DPH6: variants seen among roughly 807,000 people sequenced by gnomAD.
DPH6 encodes diphthamine biosynthesis 6.
DPH6 carries 33 observed loss-of-function variants against 38.2 expected under a neutral mutation model. The observed-to-expected ratio is 0.86, with a 90% CI of 0.65 to 1.15. DPH6 has a LOEUF of 1.15. Among genes scored for constraint, DPH6 ranks in the 50% most tolerant of loss-of-function variants. The probability of loss-of-function intolerance (pLI) is 0.00; values close to 1 mark genes in which losing one functional copy is unlikely to be tolerated. For missense variants in DPH6, 325 were observed against 320.0 expected (o/e 1.02, Z -0.12); for synonymous variants, 108 against 103.0 (o/e 1.05, Z -0.30).
intron 5 of DPH6, among the ~76,000 whole-genome samples, chr15:35,443,331 T>G (rs2141062109): frequency 6.6e-6 from 1 of 152,288 alleles, no homozygotes; most frequent in African/African-American, 2.4e-5. Flanking sequence ...TTTTTATTAC[T>G]TACAAAGAAT....
chr15:35,286,935 C>T (rs2140442000), intron 3 of DPH6, among the ~76,000 whole-genome samples: 1 of 152,212 alleles, frequency 6.6e-6, no homozygotes, highest in African/African-American at 2.4e-5. Flanking sequence ...AGCACTTTTC[C>T]TCTGAGGAAA....
chr15:35,526,139 T>C (rs577566987), intron 3 of DPH6, among the ~76,000 whole-genome samples: 79 of 152,162 alleles, frequency 5.2e-4, no homozygotes, highest in Non-Finnish European at 9.3e-4. Context: ...AAAGGGAAGA[T>C]CATGGGTTAT....
intron 3 of DPH6, among the ~76,000 whole-genome samples, chr15:35,284,489 TGAAAA>T (rs2051926059): frequency 6.6e-6 from 1 of 151,648 alleles, no homozygotes; most frequent in African/African-American, 2.4e-5. Context: ...TAAATATTAA[TGAAAA>T]GAAAAAAGTG....
At chr15:35,520,510 C>T in intron 3 of DPH6, 1 of 984,356 alleles carries the variant, frequency 1.0e-6, no homozygotes, top group Non-Finnish European at 1.2e-6. Flanking sequence ...GAAATTAAAT[C>T]CAATTAAGTA....
chr15:35,238,962 T>A (rs1388640448), intron 3 of DPH6, among the ~76,000 whole-genome samples: 1 of 146,660 alleles, frequency 6.8e-6, no homozygotes, highest in African/African-American at 2.5e-5. Context: ...CTTTGCTGAC[T>A]CTCTTTTCGG....
At chr15:35,167,210 C>A in the DPH6 span, among the ~76,000 whole-genome samples, 5 of 152,084 alleles carry the variant, frequency 3.3e-5, 1 homozygote. Context: ...TTTAAAACCA[C>A]TGGAAGACTC....
chr15:35,437,488 G>A (rs994763129), intron 5 of DPH6, among the ~76,000 whole-genome samples: 1 of 152,192 alleles, frequency 6.6e-6, no homozygotes, highest in Non-Finnish European at 1.5e-5. Context: ...GCAGGCAAAA[G>A]AGTAAACTTT....
chr15:35,434,719 GA>G (rs535074775), intron 5 of DPH6, among the ~76,000 whole-genome samples: 1 of 152,160 alleles, frequency 6.6e-6, no homozygotes, highest in East Asian at 1.9e-4. Flanking sequence ...CAATAAAGAT[GA>G]AAAAATATAT....
intron 5 of DPH6, among the ~76,000 whole-genome samples, chr15:35,427,247 G>A (rs900257310): frequency 6.6e-6 from 1 of 151,858 alleles, no homozygotes; most frequent in African/African-American, 2.4e-5. Flanking sequence ...GAAAAACAGT[G>A]GGGTAGTAGT....
At chr15:35,256,553 C>A (rs973883968) in intron 3 of DPH6, among the ~76,000 whole-genome samples, 1 of 152,022 alleles carries the variant, frequency 6.6e-6, no homozygotes, top group Non-Finnish European at 1.5e-5. Flanking sequence ...AAATAAAGGG[C>A]AAGTTATGTA....
chr15:35,161,216 T>C, the DPH6 span, among the ~76,000 whole-genome samples: 5 of 152,004 alleles, frequency 3.3e-5, no homozygotes, highest in African/African-American at 1.2e-4. Context: ...GACACAATAC[T>C]CTGCTAGTAT....
chr15:35,162,297 T>C, the DPH6 span, among the ~76,000 whole-genome samples: 1 of 151,942 alleles, frequency 6.6e-6, no homozygotes, highest in African/African-American at 2.4e-5. Context: ...AAATCGTTCA[T>C]GGCATCCCAG....
chr15:35,230,221 C>T (rs919487973), intron 3 of DPH6, among the ~76,000 whole-genome samples: 12 of 152,190 alleles, frequency 7.9e-5, no homozygotes, highest in African/African-American at 2.9e-4. Flanking sequence ...GCTGAGCTGG[C>T]ACTCAAATCA....
At chr15:35,430,414 T>G (rs527704787) in intron 5 of DPH6, among the ~76,000 whole-genome samples, 71 of 150,536 alleles carry the variant, frequency 4.7e-4, no homozygotes, top group Non-Finnish European at 5.9e-4. Context: ...AAAATGCAAT[T>G]ATTGAAGCAC....
At chr15:35,435,604 A>AG (rs2053688318) in intron 5 of DPH6, among the ~76,000 whole-genome samples, 1 of 151,724 alleles carries the variant, frequency 6.6e-6, no homozygotes, top group South Asian at 2.1e-4. Flanking sequence ...TGTTGGCAGG[A>AG]CCCCCTCTTT....
At chr15:35,225,987 C>T (rs60978098) in intron 3 of DPH6, among the ~76,000 whole-genome samples, 4,139 of 152,192 alleles carry the variant, frequency 0.027, 185 homozygotes, top group African/African-American at 0.095. Context: ...TGGCATGTGC[C>T]TATAGTAGCA....
chr15:35,166,786 A>G, the DPH6 span, among the ~76,000 whole-genome samples: 1 of 152,000 alleles, frequency 6.6e-6, no homozygotes, highest in African/African-American at 2.4e-5. Flanking sequence ...TTCTTTCCAA[A>G]GGAGATCCCA....
At chr15:35,246,116 C>A (rs976529210) in intron 3 of DPH6, among the ~76,000 whole-genome samples, 1 of 152,134 alleles carries the variant, frequency 6.6e-6, no homozygotes, top group African/African-American at 2.4e-5. Flanking sequence ...TTTACCTACC[C>A]AAATCCTATA....
rs545737989 is a variant in DPH6 at position 35,278,455 on chromosome 15, T to C, written n.201-57873A>G. ...CCTGGGCAGAAGCCTGATGCAGGGG[T>C]AGAGCCCCCGCAGAGAGGCTCTACT... On this transcript the variant is annotated intron_variant and non_coding_transcript_variant, in intron 3 of 3. Coordinates refer to the DPH6 transcript ENST00000560386. 2.6e-5 allele frequency among the ~76,000 whole-genome samples: 4 copies of C among 152,150 alleles called. No individual in the cohort carries two copies. In the East Asian group the frequency reaches 7.8e-4, roughly 30 times the overall value.
Sources: gnomAD v4.1 joint callset for allele counts (sites outside exome capture counted in the v4.1 genomes callset) on GRCh38, gnomAD v4.1.1 for gene constraint, MANE v1.5 for transcripts, NCBI Gene and HGNC (gene_info 2026-07-23, HGNC 2026-07-21) for gene names.